Variants in NEMP1 observed in about 807,000 individuals in gnomAD.
NEMP1 encodes the protein nuclear envelope integral membrane protein 1, also known as transmembrane protein 194.
In NEMP1, 29 loss-of-function variants were observed where a neutral mutation model predicts 53.7. That is an observed-to-expected ratio of 0.54 (90% confidence interval 0.40 to 0.74). The LOEUF (loss-of-function observed/expected upper bound fraction) is 0.74, where lower values mean the gene tolerates loss of function less well. Among genes scored for constraint, NEMP1 ranks in the 30% least tolerant of loss-of-function variants. NEMP1 has a pLI of 0.00. For missense variants in NEMP1, 477 were observed against 528.6 expected (o/e 0.90, Z 0.96); for synonymous variants, 193 against 192.9 (o/e 1.00, Z 0.00).
chr12:57,081,952 C>T (rs1429791207), upstream of NEMP1, among the ~76,000 whole-genome samples: 1 of 150,510 alleles, frequency 6.6e-6, no homozygotes, highest in Admixed American at 6.6e-5. Flanking sequence ...AGCATGGTGG[C>T]TCACGCCTGT....
At chr12:57,086,952 C>T (rs1271688924) in intron 1 of NEMP1, among the ~76,000 whole-genome samples, 1 of 152,360 alleles carries the variant, frequency 6.6e-6, no homozygotes, top group East Asian at 1.9e-4. Context: ...ATCCGAATCT[C>T]ACGACAATCT....
intron 1 of NEMP1, among the ~76,000 whole-genome samples, chr12:57,085,433 C>A (rs1299569336): frequency 6.6e-6 from 1 of 152,174 alleles, no homozygotes; most frequent in African/African-American, 2.4e-5. Flanking sequence ...CAGAACAGAT[C>A]ACTCACCCTC....
chr12:57,085,633 C>G (rs17119421), intron 1 of NEMP1, among the ~76,000 whole-genome samples: 204 of 152,272 alleles, frequency 1.3e-3, no homozygotes, highest in African/African-American at 4.3e-3. Context: ...ATAAATTCTG[C>G]CATGTTACTG....
At position 57,060,860 on chromosome 12, in the gene NEMP1, G is replaced by A. The variant is rs771521892; in HGVS notation, c.1066C>T (p.Arg356Ter). 8 of 1,613,974 alleles carry A rather than the reference G, an allele frequency of 5.0e-6. No homozygotes were observed. Among genetic ancestry groups the A allele is most frequent in the Admixed American group, 3.3e-5 (2 of 59,982 alleles). ...TCTCGGAGCTCCTCTAAAGCCTTTC[G>A]GGTTTCTACCTCTCCTTGTATCCGA... ...EYRIQGEVETRKALEELREFC... is the reference protein window; with the variant it reads ...EYRIQGEVET The change falls in exon 8 of 9, where the codon CGA (arginine) becomes TGA (stop). Residue 356 changes from arginine to a stop codon, truncating the protein, a stop_gained. Transcript: ENST00000300128. LOFTEE classifies it high-confidence loss of function.
chr12:57,061,259 TATAAAA>T (rs1046060769), intron 7 of NEMP1, among the ~76,000 whole-genome samples: 10 of 152,182 alleles, frequency 6.6e-5, no homozygotes, highest in African/African-American at 2.4e-4. Flanking sequence ...AGAATAAAAA[TATAAAA>T]ATGCCTATAG....
Position 57,059,802 on chromosome 12 carries a change from G to T in NEMP1, c.*77C>A. ...TATCTATCTCACTCTGTTTCAAAGG[G>T]TTGAAAGCAATTGCACAACACATGC... On this transcript the variant is annotated 3_prime_UTR_variant, in exon 9 of 9. Coordinates refer to ENST00000300128, the MANE Select transcript of NEMP1 (RefSeq NM_001130963.2). 2.2e-6 allele frequency: 3 copies of T among 1,337,410 alleles called. No homozygotes were observed. The highest frequency in any genetic ancestry group is 1.0e-6 in the Non-Finnish European group (1 of 962,196). The allele number at this position is 1,337,410 out of a possible 1,614,324, so 82.8% of individuals were successfully genotyped here.
At chr12:57,068,165 C>G (rs1007690726) in intron 4 of NEMP1, among the ~76,000 whole-genome samples, 2 of 152,166 alleles carry the variant, frequency 1.3e-5, no homozygotes, top group Non-Finnish European at 2.9e-5. Context: ...AGCCCAACTT[C>G]AAACTCCAAT....
intron 4 of NEMP1, among the ~76,000 whole-genome samples, chr12:57,067,375 G>A (rs892292100): frequency 4.6e-5 from 7 of 151,992 alleles, no homozygotes; most frequent in Admixed American, 1.3e-4. Flanking sequence ...TGGACATGTG[G>A]TGCCCCAAAA....
chr12:57,070,091 G>T (rs375659663), intron 3 of NEMP1, among the ~76,000 whole-genome samples: 5 of 152,278 alleles, frequency 3.3e-5, no homozygotes, highest in African/African-American at 1.2e-4. Flanking sequence ...AAGTCAGAGA[G>T]AATTCAACAG....
upstream of NEMP1, among the ~76,000 whole-genome samples, chr12:57,081,697 G>A (rs1014954320): frequency 1.1e-4 from 17 of 150,142 alleles, no homozygotes; most frequent in East Asian, 3.4e-3. Flanking sequence ...CATGAGGTCA[G>A]GAGATGGAGA....
chr12:57,074,692 T>G (rs1592515041), intron 1 of NEMP1, among the ~76,000 whole-genome samples: 1 of 152,330 alleles, frequency 6.6e-6, no homozygotes, highest in East Asian at 1.9e-4. Flanking sequence ...CACTTCAAAT[T>G]TTAACAGCAG....
upstream of NEMP1, among the ~76,000 whole-genome samples, chr12:57,081,301 T>C (rs1370511042): frequency 2.0e-5 from 3 of 152,128 alleles, no homozygotes; most frequent in Admixed American, 6.5e-5. Context: ...TGGAGTGCAA[T>C]GGCACAAACT....
At chr12:57,081,254 G>GT (rs1042151042), upstream of NEMP1, among the ~76,000 whole-genome samples, 5 of 151,880 alleles carry the variant, frequency 3.3e-5, no homozygotes, top group African/African-American at 4.8e-5. Context: ...TTTTGTTTTT[G>GT]TTTTTTGAGA....
rs1369495453 is a variant in NEMP1 at position 57,078,775 on chromosome 12, G to A, written c.-30C>T. On this transcript the variant is annotated 5_prime_UTR_variant, in exon 1 of 9. Transcript: ENST00000300128. Reference sequence around the variant, plus strand: ...GCCTCAAGCCACCTCCTCCTCACGTGCCTTACCCCAGCAACTAACTCCGAA... The same window carrying A: ...GCCTCAAGCCACCTCCTCCTCACGTACCTTACCCCAGCAACTAACTCCGAA... 1.3e-6 allele frequency: 2 copies of A among 1,594,212 alleles called. No homozygotes were observed. The highest frequency in any genetic ancestry group is 1.1e-5 in the South Asian group (1 of 89,028).
At chr12:57,075,037 C>T (rs533185511) in intron 1 of NEMP1, among the ~76,000 whole-genome samples, 69 of 151,480 alleles carry the variant, frequency 4.6e-4, no homozygotes, top group Non-Finnish European at 9.1e-4. Flanking sequence ...TGCAGTGAGC[C>T]GAGATCGCGC....
chr12:57,058,112 C>T lies in NEMP1; in HGVS notation c.*1767G>A, dbSNP rs1410688391. On this transcript the variant is annotated 3_prime_UTR_variant, in exon 9 of 9. Coordinates refer to ENST00000300128, the MANE Select transcript of NEMP1 (RefSeq NM_001130963.2). The stretch of plus-strand genomic sequence containing the variant: ...TTCAACTGTAACCCATAGCATCTGC[C>T]CAAATACTGCTCATTTTTCACTTTC... 1 of 152,152 alleles carries T rather than the reference C, an allele frequency of 6.6e-6. No individual in the cohort carries two copies. The highest frequency in any genetic ancestry group is 2.4e-5 in the African/African-American group (1 of 41,420). The allele number at this position is 152,152 out of a possible 1,614,324, so 9.4% of individuals were successfully genotyped here.
At chr12:57,074,462 T>C (rs2032507411) in intron 1 of NEMP1, among the ~76,000 whole-genome samples, 1 of 151,992 alleles carries the variant, frequency 6.6e-6, no homozygotes, top group Admixed American at 6.6e-5. Context: ...TGGCTAACTT[T>C]TTTTGTGTGT....
intron 1 of NEMP1, chr12:57,087,863 C>T (rs2136536852): frequency 6.6e-6 from 1 of 152,340 alleles, no homozygotes; most frequent in East Asian, 1.9e-4. Flanking sequence ...CCTCCTTTCC[C>T]TGGGGCTTAG....
chr12:57,077,322 ACT>A (rs766288798), intron 1 of NEMP1, among the ~76,000 whole-genome samples: 4 of 126,420 alleles, frequency 3.2e-5, no homozygotes, highest in Admixed American at 8.6e-5. Flanking sequence ...AAAGAGGGAG[ACT>A]CTGTTTAAAA....
Sources: gnomAD v4.1 joint callset for allele counts (sites outside exome capture counted in the v4.1 genomes callset) on GRCh38, gnomAD v4.1.1 for gene constraint, MANE v1.5 for transcripts, NCBI Gene and HGNC (gene_info 2026-07-23, HGNC 2026-07-21) for gene names.